Variants in SLC19A1 observed in about 807,000 individuals in gnomAD.
SLC19A1 encodes the protein solute carrier family 19 member 1.
Under a neutral mutation model 35.3 loss-of-function variants are expected in SLC19A1, and 37 were observed. That is an observed-to-expected ratio of 1.05 (90% CI 0.81 to 1.38). The LOEUF is 1.38. Ranked by LOEUF, SLC19A1 falls within the 40% of genes most tolerant of loss-of-function variation. The probability of loss-of-function intolerance (pLI) is 0.00; values close to 1 mark genes in which losing one functional copy is unlikely to be tolerated. For missense variants in SLC19A1, 831 were observed against 826.9 expected, an observed-to-expected ratio of 1.00 and a Z score of -0.06; for synonymous variants, 460 against 398.5, an observed-to-expected ratio of 1.15 and a Z score of -1.84.
At chr21:45,551,229 C>G (rs1256447698) in intron 1 of SLC19A1, among the ~76,000 whole-genome samples, 1 of 151,688 alleles carries the variant, frequency 6.6e-6, no homozygotes, top group Non-Finnish European at 1.5e-5. Context: ...GCCTGGGCGA[C>G]AAGAGCGAGA....
chr21:45,553,129 C>T (rs1405836012), intron 1 of SLC19A1, among the ~76,000 whole-genome samples: 1 of 152,306 alleles, frequency 6.6e-6, no homozygotes, highest in East Asian at 1.9e-4. Context: ...GGAGGCTGGG[C>T]CTGGAGGGCA....
In SLC19A1 at chr21:45,555,151, AGGG is replaced by A. The variant is rs1462336013; in HGVS notation, c.-50+7588_-50+7590del. On this transcript the variant is annotated intron_variant, in intron 1 of 5. Transcript: ENST00000650808. ...AGCCTCGCGACGCAGGGGGCGGTGC[AGGG>A]GGCGGCGGGGGCGGCGCAGGGGGCG... 1.6e-3 allele frequency among the ~76,000 whole-genome samples: 92 copies of A among 58,970 alleles called. 5 individuals are homozygous for A. Among genetic ancestry groups the A allele is most frequent in the East Asian group, 7.2e-3 (13 of 1,812 alleles). The allele number at this position is 58,970 out of a possible 152,430, so 38.7% of individuals were successfully genotyped here.
At chr21:45,544,730 C>T (rs960213975), upstream of SLC19A1, among the ~76,000 whole-genome samples, 1 of 152,124 alleles carries the variant, frequency 6.6e-6, no homozygotes, top group African/African-American at 2.4e-5. Context: ...CTGGGGGCTG[C>T]AGGCCGCAGA....
chr21:45,505,113 G>C (rs529342304), intron 3 of SLC19A1: 1 of 1,605,032 alleles, frequency 6.2e-7, no homozygotes, highest in African/African-American at 1.3e-5. Context: ...ACCAGGAAGC[G>C]TCTCTTGTCG....
chr21:45,558,395 T>C (rs2078584099), intron 1 of SLC19A1, among the ~76,000 whole-genome samples: 1 of 152,178 alleles, frequency 6.6e-6, no homozygotes, highest in Admixed American at 6.5e-5. Flanking sequence ...CTTTGAAGGA[T>C]TCGCCCCATT....
intron 4 of SLC19A1, among the ~76,000 whole-genome samples, chr21:45,529,098 G>A (rs1012981814): frequency 1.2e-4 from 19 of 152,230 alleles, no homozygotes; most frequent in Non-Finnish European, 2.4e-4. Context: ...AGCCAGGGAC[G>A]GCAAGAGCCC....
At chr21:45,511,417 C>T (rs1214761190), downstream of SLC19A1, among the ~76,000 whole-genome samples, 1 of 152,114 alleles carries the variant, frequency 6.6e-6, no homozygotes, top group African/African-American at 2.4e-5. Context: ...ATTAGCAATG[C>T]GTTTGAGAGC....
chr21:45,537,975 T>A lies in SLC19A1; in HGVS notation c.-16A>T, dbSNP rs369590758. 2.6e-6 allele frequency: 4 copies of A among 1,523,306 alleles called. No individual in the cohort carries two copies. The African/African-American group carries it at 5.5e-5, about 21-fold the overall frequency. 94.4% of individuals were successfully genotyped at this position (1,523,306 alleles called of 1,614,324 possible). A position where few individuals can be genotyped will look rare whatever the true frequency, so the allele number is the denominator to read the frequency against. ...AGGGCACCATCCTGCTCAGGCCACG[T>A]GCAGCTCCGGAGGGGACGAAGGTGA... is the stretch of plus-strand genomic sequence containing the variant. On this transcript the variant is annotated 5_prime_UTR_variant, in exon 2 of 6. Coordinates refer to ENST00000311124, the MANE Select transcript of SLC19A1 (RefSeq NM_194255.4).
At chr21:45,504,446 C>T (rs1326920691) in intron 3 of SLC19A1, 1 of 1,611,568 alleles carries the variant, frequency 6.2e-7, no homozygotes, top group Non-Finnish European at 8.5e-7. Context: ...TGATGCAGGA[C>T]AGAAAGGCGA....
chr21:45,552,511 T>A (rs953099873), intron 1 of SLC19A1, among the ~76,000 whole-genome samples: 12 of 152,036 alleles, frequency 7.9e-5, no homozygotes, highest in Non-Finnish European at 1.5e-4. Flanking sequence ...AGCCCTCGAA[T>A]GTGCAGAGAC....
chr21:45,562,397 T>C (rs1218280299), intron 1 of SLC19A1, among the ~76,000 whole-genome samples: 1 of 152,180 alleles, frequency 6.6e-6, no homozygotes, highest in Non-Finnish European at 1.5e-5. Context: ...AAAAGGCCAG[T>C]TCTGAAAACT....
Position 45,504,393 on chromosome 21 carries a change from G to C in SLC19A1, c.498-5781C>G, listed in dbSNP as rs2037054855. ...GCTTGTAGGGGTTCAGGGCTCCCGT[G>C]TAACAAGTGTTTCCGTCCACAGGGG... On this transcript the variant is annotated intron_variant, in intron 3 of 4. Coordinates refer to the SLC19A1 transcript ENST00000417954. 3 of 1,608,146 alleles carry C rather than the reference G, an allele frequency of 1.9e-6. No individual in the cohort carries two copies. In the East Asian group the frequency reaches 6.7e-5, roughly 36 times the overall value.
At position 45,514,717 on chromosome 21, in the gene SLC19A1, CACTT is replaced by C. The variant is rs1768700878; in HGVS notation, c.*937_*940del. On this transcript the variant is annotated 3_prime_UTR_variant, in exon 6 of 6. Transcript: ENST00000311124. ...CTGAATCAGAAGCCCTGCGCACACT[CACTT>C]AAGTGTGTTTAATGTATGTGGGAAG... 1.0e-5 allele frequency: 4 copies of C among 401,912 alleles called. No individual in the cohort carries two copies. The highest frequency in any genetic ancestry group is 4.7e-5 in the Admixed American group (1 of 21,114). 24.9% of individuals were successfully genotyped at this position (401,912 alleles called of 1,614,324 possible). A position where few individuals can be genotyped will look rare whatever the true frequency, so the allele number is the denominator to read the frequency against.
chr21:45,551,968 G>A (rs1418008793), intron 1 of SLC19A1, among the ~76,000 whole-genome samples: 6 of 152,148 alleles, frequency 3.9e-5, no homozygotes, highest in Non-Finnish European at 7.3e-5. Context: ...GTGTTCTGCC[G>A]CCACGCTGGC....
In SLC19A1 at chr21:45,514,079, T is replaced by G. The variant is rs1189625731; in HGVS notation, c.*1579A>C. 1.3e-5 allele frequency: 2 copies of G among 152,418 alleles called. No individual in the cohort carries two copies. Among genetic ancestry groups the G allele is most frequent in the Non-Finnish European group, 2.9e-5 (2 of 68,224 alleles). 9.4% of individuals were successfully genotyped at this position (152,418 alleles called of 1,614,324 possible). A position where few individuals can be genotyped will look rare whatever the true frequency, so the allele number is the denominator to read the frequency against. Reference sequence around the variant, plus strand: ...GCAGGACTCAGAGGCAGGCAGGCAGTGGGTGCAGTGAGCAGGCTGCGGAGG... The same window carrying G: ...GCAGGACTCAGAGGCAGGCAGGCAGGGGGTGCAGTGAGCAGGCTGCGGAGG... On this transcript the variant is annotated 3_prime_UTR_variant, in exon 6 of 6. Coordinates refer to ENST00000311124, the MANE Select transcript of SLC19A1 (RefSeq NM_194255.4).
rs149288385 is a variant in SLC19A1 at position 45,518,064 on chromosome 21, T to C, written c.1294-1924A>G. Among the ~76,000 whole-genome samples, 903 of 152,220 alleles carry C rather than the reference T, an allele frequency of 5.9e-3. 15 individuals carry two copies. Among genetic ancestry groups the C allele is most frequent in the African/African-American group, 0.021 (865 of 41,516 alleles). ...ACCAACACTAAGACAACACAGACAGTAGAATTCGCCAAGAAAGATCTTAAA... is the reference window on the plus strand; with the variant it reads ...ACCAACACTAAGACAACACAGACAGCAGAATTCGCCAAGAAAGATCTTAAA... On this transcript the variant is annotated intron_variant, in intron 5 of 5. Transcript: ENST00000311124.
chr21:45,510,253 A>C, downstream of SLC19A1: 1 of 1,604,618 alleles, frequency 6.2e-7, no homozygotes, highest in African/African-American at 1.3e-5. Context: ...GCCCATCGTC[A>C]ACCTCAAGGT....
intron 3 of SLC19A1, chr21:45,505,797 CT>C: frequency 6.7e-7 from 1 of 1,489,546 alleles, no homozygotes; most frequent in Non-Finnish European, 9.2e-7. Flanking sequence ...GCCCCCCGCC[CT>C]CCCCGCCAAG....
Position 45,534,443 on chromosome 21 carries a change from A to C in SLC19A1, c.190-2295T>G, listed in dbSNP as rs2146392223. ...GGGGCACAGGTTCTGCCCACAGCCC[A>C]GAGTCAAAATGGTAGACAGCCAGCA... On this transcript the variant is annotated intron_variant, in intron 2 of 5. Transcript: ENST00000311124. The surrounding 1 kb of genome is among the most constrained non-coding windows in gnomAD (Gnocchi z 4.2). 7.9e-6 allele frequency: 8 copies of C among 1,011,674 alleles called. No homozygotes were observed. In the East Asian group the frequency reaches 1.8e-4, roughly 23 times the overall value. The allele number at this position is 1,011,674 out of a possible 1,614,324, so 62.7% of individuals were successfully genotyped here.
Sources: allele counts gnomAD v4.1 joint callset (sites outside exome capture counted in the v4.1 genomes callset), GRCh38; gene constraint gnomAD v4.1.1; non-coding constraint Gnocchi (gnomAD v3.1); transcripts MANE v1.5; gene names NCBI Gene and HGNC (gene_info 2026-07-23, HGNC 2026-07-21).